KCNK10: variants seen among roughly 807,000 people sequenced by gnomAD.
KCNK10 encodes potassium channel subfamily K member 10.
A neutral mutation model predicts 47.7 loss-of-function variants in KCNK10; 25 were observed. The ratio of observed to expected loss-of-function variants is 0.52; its 90% CI spans 0.38 to 0.73. KCNK10 has a LOEUF of 0.73. KCNK10 is among the 30% of genes least tolerant of loss of function. The pLI, the probability that KCNK10 is intolerant of heterozygous loss-of-function variation, is 0.00. For synonymous variants in KCNK10, 303 were observed against 285.6 expected (o/e 1.06, Z -0.61); for missense variants, 563 against 714.5 (o/e 0.79, Z 2.42).
At chr14:88,301,723 A>G (rs1426003510) in intron 1 of KCNK10, among the ~76,000 whole-genome samples, 1 of 152,118 alleles carries the variant, frequency 6.6e-6, no homozygotes, top group Admixed American at 6.6e-5. Flanking sequence ...GAAAGCAGAA[A>G]GAAGTGCAGC....
chr14:88,319,459 T>C (rs1222272225), intron 1 of KCNK10, among the ~76,000 whole-genome samples: 1 of 152,196 alleles, frequency 6.6e-6, no homozygotes, highest in Non-Finnish European at 1.5e-5. Flanking sequence ...ATCTTTTCCC[T>C]GCTAAACACA....
intron 5 of KCNK10, among the ~76,000 whole-genome samples, chr14:88,191,122 C>T (rs75939172): frequency 0.075 from 11,346 of 152,004 alleles, 743 homozygotes; most frequent in East Asian, 0.23. Context: ...TGGTGGCACA[C>T]GTCTGTAGTC....
At chr14:88,194,147 A>G (rs1391413325) in intron 4 of KCNK10, among the ~76,000 whole-genome samples, 1 of 152,220 alleles carries the variant, frequency 6.6e-6, no homozygotes. Context: ...AAAAATTACA[A>G]TTTATTGATA....
chr14:88,244,882 C>A (rs1308772550), intron 2 of KCNK10, among the ~76,000 whole-genome samples: 1 of 152,242 alleles, frequency 6.6e-6, no homozygotes, highest in South Asian at 2.1e-4. Context: ...CAACCATTAT[C>A]AAGTTCAGAG....
intron 1 of KCNK10, among the ~76,000 whole-genome samples, chr14:88,274,167 G>T (rs1201972454): frequency 1.3e-5 from 2 of 150,782 alleles, no homozygotes; most frequent in African/African-American, 4.9e-5. Context: ...CCAATGTCCC[G>T]TGTGCTCAGG....
At position 88,260,422 on chromosome 14, in the gene KCNK10, T is replaced by C. The variant is rs973000823; in HGVS notation, c.402+2780A>G. The stretch of plus-strand genomic sequence containing the variant: ...GAACTGTGAATCAATTAAACCTCTT[T>C]TCTTTATAAATTGCTTAGTCTCAGA... On this transcript the variant is annotated intron_variant, in intron 2 of 6. Coordinates refer to ENST00000319231, the MANE Select transcript of KCNK10 (RefSeq NM_138317.3). This position sits in a 1 kb window ranked among gnomAD's most constrained non-coding sequence, Gnocchi z 4.5. Among the ~76,000 whole-genome samples, 3 of 152,258 alleles carry C rather than the reference T, an allele frequency of 2.0e-5. No homozygotes were observed. The highest frequency in any genetic ancestry group is 2.9e-5 in the Non-Finnish European group (2 of 68,052).
intron 4 of KCNK10, among the ~76,000 whole-genome samples, chr14:88,201,575 G>T (rs61975811): frequency 6.6e-6 from 1 of 151,786 alleles, no homozygotes; most frequent in South Asian, 2.1e-4. Flanking sequence ...CAGGGGAATC[G>T]CTTGAACCCG....
chr14:88,213,865 T>G (rs1490102573), intron 4 of KCNK10, among the ~76,000 whole-genome samples: 3 of 151,540 alleles, frequency 2.0e-5, no homozygotes, highest in Non-Finnish European at 4.4e-5. Flanking sequence ...AAATCCCCAG[T>G]GGGAATTAAA....
At chr14:88,326,551 G>A, upstream of KCNK10, 1 of 906,060 alleles carries the variant, frequency 1.1e-6, no homozygotes, top group Non-Finnish European at 1.8e-6. Context: ...GGTGGAAAGA[G>A]ACTGCCTAGC....
chr14:88,311,855 G>A (rs1178955744), intron 1 of KCNK10, among the ~76,000 whole-genome samples: 1 of 151,906 alleles, frequency 6.6e-6, no homozygotes, highest in African/African-American at 2.4e-5. Flanking sequence ...GGGCAGGGAT[G>A]GGGGAATTTC....
chr14:88,307,840 C>CCAG (rs1158160055), intron 1 of KCNK10, among the ~76,000 whole-genome samples: 1 of 152,142 alleles, frequency 6.6e-6, no homozygotes, highest in Non-Finnish European at 1.5e-5. Flanking sequence ...ATGGGTGTTA[C>CCAG]CAGCAGCAGC....
intron 3 of KCNK10, among the ~76,000 whole-genome samples, chr14:88,228,817 T>C (rs760671973): frequency 6.6e-6 from 1 of 152,218 alleles, no homozygotes; most frequent in African/African-American, 2.4e-5. Flanking sequence ...ATTTCTAAAA[T>C]GAGTGTTCAG....
intron 1 of KCNK10, among the ~76,000 whole-genome samples, chr14:88,305,539 G>T (rs1011559041): frequency 6.6e-6 from 1 of 152,134 alleles, no homozygotes; most frequent in Non-Finnish European, 1.5e-5. Flanking sequence ...GCTGTGGATT[G>T]TGTCTCCTGA....
intron 4 of KCNK10, among the ~76,000 whole-genome samples, chr14:88,226,113 C>A (rs1275454318): frequency 1.3e-5 from 2 of 152,236 alleles, no homozygotes; most frequent in Non-Finnish European, 2.9e-5. Context: ...CCCTATATGA[C>A]AAGCTCTTTT....
rs955989569 is a variant in KCNK10 at position 88,182,219 on chromosome 14, A to C, written c.*3316T>G. On this transcript the variant is annotated 3_prime_UTR_variant, in exon 7 of 7. Transcript: ENST00000319231. ...CCTCCAGATTTGTCATGCAAGAAAA[A>C]TTCAGTGCCTGCTTGCCAGTGAAGC... is the stretch of plus-strand genomic sequence containing the variant. The C allele has an allele frequency of 2.6e-5, 4 of 152,292 alleles. No homozygotes were observed. The highest frequency in any genetic ancestry group is 9.7e-5 in the African/African-American group (4 of 41,434). 9.4% of individuals were successfully genotyped at this position (152,292 alleles called of 1,614,324 possible). A position where few individuals can be genotyped will look rare whatever the true frequency, so the allele number is the denominator to read the frequency against.
upstream of KCNK10, among the ~76,000 whole-genome samples, chr14:88,325,030 C>T (rs1177070673): frequency 6.6e-6 from 1 of 152,178 alleles, no homozygotes; most frequent in Non-Finnish European, 1.5e-5. Flanking sequence ...CCGGGTGCTT[C>T]AGAACCATCT....
intron 4 of KCNK10, among the ~76,000 whole-genome samples, chr14:88,194,457 C>T (rs193273532): frequency 9.2e-5 from 14 of 152,208 alleles, no homozygotes; most frequent in African/African-American, 3.1e-4. Context: ...CTCAAATATT[C>T]CTCCTCAAAT....
intron 1 of KCNK10, among the ~76,000 whole-genome samples, chr14:88,296,213 G>A (rs1317911121): frequency 1.3e-5 from 2 of 152,152 alleles, no homozygotes; most frequent in African/African-American, 4.8e-5. Flanking sequence ...GAAACTGCAT[G>A]GCACACTGGA....
intron 1 of KCNK10, among the ~76,000 whole-genome samples, chr14:88,274,809 G>A (rs1887492936): frequency 6.6e-6 from 1 of 152,130 alleles, no homozygotes; most frequent in Non-Finnish European, 1.5e-5. Context: ...TGCCCCCTGT[G>A]TGCCAGGAGT....
Sources: gnomAD v4.1 joint callset for allele counts (sites outside exome capture counted in the v4.1 genomes callset) on GRCh38, gnomAD v4.1.1 for gene constraint, Gnocchi (gnomAD v3.1) non-coding constraint, MANE v1.5 for transcripts, NCBI Gene and HGNC (gene_info 2026-07-23, HGNC 2026-07-21) for gene names.